The following ST6GALNAC3 variants were observed in gnomAD, a reference collection of about 807,000 sequenced individuals.
ST6GALNAC3 encodes the protein alpha-N-acetylgalactosaminide alpha-2,6-sialyltransferase 3.
A neutral mutation model predicts 32.7 loss-of-function variants in ST6GALNAC3; 25 were observed. That is an observed-to-expected ratio of 0.76 (90% confidence interval 0.56 to 1.07). The LOEUF is 1.07. Among genes scored for constraint, ST6GALNAC3 ranks in the 50% least tolerant of loss-of-function variants. The pLI, the probability that ST6GALNAC3 is intolerant of heterozygous loss-of-function variation, is 0.00. For missense variants in ST6GALNAC3, 355 were observed against 382.4 expected (o/e 0.93, Z 0.60); for synonymous variants, 129 against 133.1 (o/e 0.97, Z 0.21).
intron 3 of ST6GALNAC3, among the ~76,000 whole-genome samples, chr1:76,534,851 G>A (rs1663497899): frequency 6.6e-6 from 1 of 152,090 alleles, no homozygotes; most frequent in African/African-American, 2.4e-5. Flanking sequence ...AAAGGGTTAT[G>A]GAATAATAGA....
chr1:76,323,986 A>G (rs972647683), intron 2 of ST6GALNAC3, among the ~76,000 whole-genome samples: 9 of 152,030 alleles, frequency 5.9e-5, no homozygotes, highest in Non-Finnish European at 1.0e-4. Context: ...CAGCCTCCCA[A>G]GTAGTTGGGA....
In ST6GALNAC3 at chr1:76,074,786, A is replaced by G. The variant is rs975856012; in HGVS notation, c.-81A>G. ...TGGGCTGGAGAGGTCCTGCCGTGGT[A>G]CCAGCCTCCAGCCTGCCCCCAGGAC... On this transcript the variant is annotated 5_prime_UTR_variant, in exon 1 of 5. Coordinates refer to ENST00000328299, the MANE Select transcript of ST6GALNAC3 (RefSeq NM_152996.4). The G allele has an allele frequency of 1.3e-5, 20 of 1,496,664 alleles. No individual in the cohort carries two copies. Among genetic ancestry groups the G allele is most frequent in the Non-Finnish European group, 1.6e-5 (18 of 1,104,296 alleles). 92.7% of individuals were successfully genotyped at this position (1,496,664 alleles called of 1,614,324 possible).
chr1:76,412,086 ATAGAT>A lies in ST6GALNAC3; in HGVS notation c.293_297del (p.Ile98ThrfsTer17). 2 of 1,613,612 alleles carry A rather than the reference ATAGAT, an allele frequency of 1.2e-6. No homozygotes were observed. The highest frequency in any genetic ancestry group is 1.7e-6 in the Non-Finnish European group (2 of 1,179,740). ...GGTTGGCCAGAAGGTGGGAAATGAG[ATAGAT>A]CGATCCTCCTGCATTTGGAGAATGA... On this transcript the variant is annotated frameshift_variant, in exon 3 of 5. Transcript: ENST00000328299. LOFTEE classifies it high-confidence loss of function.
intron 3 of ST6GALNAC3, among the ~76,000 whole-genome samples, chr1:76,446,120 T>A (rs1222944257): frequency 6.6e-6 from 1 of 152,256 alleles, no homozygotes; most frequent in Non-Finnish European, 1.5e-5. Flanking sequence ...TATGGTTACA[T>A]TTATTTTGTT....
chr1:76,252,505 T>C (rs891302137), intron 1 of ST6GALNAC3, among the ~76,000 whole-genome samples: 2 of 152,146 alleles, frequency 1.3e-5, no homozygotes, highest in African/African-American at 2.4e-5. Flanking sequence ...AAAATACAGA[T>C]GATATTTCTA....
At chr1:76,078,161 G>A (rs1646842677) in intron 1 of ST6GALNAC3, among the ~76,000 whole-genome samples, 1 of 152,158 alleles carries the variant, frequency 6.6e-6, no homozygotes, top group Non-Finnish European at 1.5e-5. Flanking sequence ...TTGAGGCAGT[G>A]CCAACTTTGT....
At chr1:76,124,886 A>C (rs1649142544) in intron 1 of ST6GALNAC3, among the ~76,000 whole-genome samples, 1 of 150,902 alleles carries the variant, frequency 6.6e-6, no homozygotes, top group African/African-American at 2.5e-5. Flanking sequence ...CATCTGAACC[A>C]GATGTGCTAC....
chr1:76,611,620 A>G (rs1404914041), intron 3 of ST6GALNAC3, among the ~76,000 whole-genome samples: 1 of 152,184 alleles, frequency 6.6e-6, no homozygotes, highest in Non-Finnish European at 1.5e-5. Flanking sequence ...CCTCCATCCA[A>G]GGATCCCTCT....
chr1:76,120,390 A>C (rs1185762076), intron 1 of ST6GALNAC3, among the ~76,000 whole-genome samples: 2 of 152,154 alleles, frequency 1.3e-5, no homozygotes, highest in African/African-American at 4.8e-5. Context: ...GTGGGGACAA[A>C]AGACTTTAAA....
intron 2 of ST6GALNAC3, among the ~76,000 whole-genome samples, chr1:76,328,750 C>T (rs1409969658): frequency 6.6e-6 from 1 of 152,046 alleles, no homozygotes; most frequent in Admixed American, 6.6e-5. Flanking sequence ...TGGAAATTGA[C>T]ATCGTTTGTC....
chr1:76,318,618 T>A (rs963657077), intron 2 of ST6GALNAC3, among the ~76,000 whole-genome samples: 9 of 152,166 alleles, frequency 5.9e-5, no homozygotes, highest in Non-Finnish European at 1.2e-4. Context: ...TCCCCCATTT[T>A]AAAAATGACA....
intron 3 of ST6GALNAC3, among the ~76,000 whole-genome samples, chr1:76,542,143 A>G (rs1322777248): frequency 6.6e-6 from 1 of 152,196 alleles, no homozygotes; most frequent in Non-Finnish European, 1.5e-5. Context: ...TCTTAGACTC[A>G]CTGTCATATC....
At chr1:76,459,350 G>C (rs995194843) in intron 3 of ST6GALNAC3, among the ~76,000 whole-genome samples, 2 of 152,194 alleles carry the variant, frequency 1.3e-5, no homozygotes, top group Non-Finnish European at 2.9e-5. Context: ...GGATCATGAG[G>C]TCAGGAGATC....
At chr1:76,239,084 G>C (rs914152456) in intron 1 of ST6GALNAC3, among the ~76,000 whole-genome samples, 1 of 151,804 alleles carries the variant, frequency 6.6e-6, no homozygotes, top group Non-Finnish European at 1.5e-5. Flanking sequence ...GCTGTCTCCT[G>C]GGGTTCTCAG....
intron 3 of ST6GALNAC3, among the ~76,000 whole-genome samples, chr1:76,568,276 T>C (rs1006647642): frequency 1.3e-5 from 2 of 152,206 alleles, no homozygotes; most frequent in Admixed American, 1.3e-4. Context: ...ATTAGAACCC[T>C]GCCCTTCTAA....
chr1:76,397,821 A>G (rs2893414), intron 2 of ST6GALNAC3, among the ~76,000 whole-genome samples: 49,602 of 151,780 alleles, frequency 0.33, 9,375 homozygotes, highest in Non-Finnish European at 0.43. Context: ...TTGCTGATGT[A>G]CTGTTGGCGA....
At chr1:76,105,418 T>C (rs946865204) in intron 1 of ST6GALNAC3, among the ~76,000 whole-genome samples, 3 of 152,200 alleles carry the variant, frequency 2.0e-5, no homozygotes, top group African/African-American at 7.2e-5. Flanking sequence ...GTGAATTCAC[T>C]GAAGAACCAC....
intron 2 of ST6GALNAC3, among the ~76,000 whole-genome samples, chr1:76,402,744 C>T (rs1653524446): frequency 6.6e-6 from 1 of 152,112 alleles, no homozygotes; most frequent in Non-Finnish European, 1.5e-5. Context: ...TCAATTAACA[C>T]TTGCTTCCTT....
intron 3 of ST6GALNAC3, among the ~76,000 whole-genome samples, chr1:76,579,174 T>C (rs931902453): frequency 5.9e-5 from 9 of 152,034 alleles, no homozygotes; most frequent in Admixed American, 3.3e-4. Flanking sequence ...TTTTGCTTTT[T>C]ATTGTGGAGA....
Sources: allele counts gnomAD v4.1 joint callset (sites outside exome capture counted in the v4.1 genomes callset), GRCh38; gene constraint gnomAD v4.1.1; transcripts MANE v1.5; gene names NCBI Gene and HGNC (gene_info 2026-07-23, HGNC 2026-07-21).